The following TBC1D22A variants were observed in gnomAD, a reference collection of about 807,000 sequenced individuals.
TBC1D22A encodes TBC1 domain family member 22A.
In TBC1D22A, 38 loss-of-function variants were observed where a neutral mutation model predicts 60.2. That is an observed-to-expected ratio of 0.63 (90% CI 0.49 to 0.83). The LOEUF is 0.83. Ranked by LOEUF, TBC1D22A falls within the 40% of genes least tolerant of loss-of-function variation. The pLI is 0.00. For missense variants in TBC1D22A, 628 were observed against 701.0 expected (o/e 0.90, Z 1.18); for synonymous variants, 302 against 281.7 (o/e 1.07, Z -0.72).
chr22:46,973,901 A>T (rs2074180620), intron 8 of TBC1D22A, among the ~76,000 whole-genome samples: 1 of 152,234 alleles, frequency 6.6e-6, no homozygotes, highest in Non-Finnish European at 1.5e-5. Context: ...TAGAGGAATT[A>T]TTGCCAAATG....
At chr22:47,061,938 G>A (rs979610053) in intron 11 of TBC1D22A, among the ~76,000 whole-genome samples, 14 of 151,952 alleles carry the variant, frequency 9.2e-5, no homozygotes, top group African/African-American at 2.9e-4. Context: ...AAATACAAAC[G>A]TTAGCCAGGC....
intron 10 of TBC1D22A, among the ~76,000 whole-genome samples, chr22:47,019,496 C>T (rs1422024596): frequency 1.3e-5 from 2 of 152,088 alleles, no homozygotes; most frequent in East Asian, 1.9e-4. Flanking sequence ...GAAAGCTGTG[C>T]AGAGGTTGGG....
chr22:47,112,060 C>T (rs904903680), intron 12 of TBC1D22A, among the ~76,000 whole-genome samples: 1 of 152,248 alleles, frequency 6.6e-6, no homozygotes, highest in East Asian at 1.9e-4. Flanking sequence ...TTCAGCCTCA[C>T]TAAGCTAGTC....
intron 12 of TBC1D22A, among the ~76,000 whole-genome samples, chr22:47,137,061 G>T (rs1431200480): frequency 3.9e-5 from 6 of 152,168 alleles, no homozygotes; most frequent in African/African-American, 1.4e-4. Flanking sequence ...AAGATAAAAA[G>T]AAGAAAGTGG....
At chr22:46,778,330 TA>T (rs1232541382) in intron 1 of TBC1D22A, among the ~76,000 whole-genome samples, 2 of 152,208 alleles carry the variant, frequency 1.3e-5, no homozygotes, top group East Asian at 3.8e-4. Context: ...TTTTGATTTT[TA>T]AAAAACTTTT....
At chr22:46,795,698 T>C (rs1424755848) in intron 3 of TBC1D22A, among the ~76,000 whole-genome samples, 2 of 152,182 alleles carry the variant, frequency 1.3e-5, no homozygotes, top group African/African-American at 4.8e-5. Context: ...AGGTACAGTA[T>C]CAAGTCCCTG....
At chr22:47,001,644 C>T (rs2061415337) in intron 10 of TBC1D22A, among the ~76,000 whole-genome samples, 1 of 152,112 alleles carries the variant, frequency 6.6e-6, no homozygotes, top group Admixed American at 6.5e-5. Flanking sequence ...CCGAGCTCCA[C>T]AGGCACCAGC....
chr22:47,077,392 C>A (rs1195544448), intron 11 of TBC1D22A, among the ~76,000 whole-genome samples: 3 of 152,128 alleles, frequency 2.0e-5, no homozygotes, highest in Non-Finnish European at 4.4e-5. Context: ...GCAGTTTGTC[C>A]CTTTAACCTG....
intron 11 of TBC1D22A, among the ~76,000 whole-genome samples, chr22:47,043,425 G>A (rs1005581492): frequency 1.3e-5 from 2 of 152,196 alleles, no homozygotes; most frequent in African/African-American, 2.4e-5. Flanking sequence ...AGTGCTCCAG[G>A]TGAGAGACAT....
chr22:47,167,442 A>G (rs987695621), intron 12 of TBC1D22A, among the ~76,000 whole-genome samples: 4 of 152,196 alleles, frequency 2.6e-5, no homozygotes, highest in Non-Finnish European at 5.9e-5. Flanking sequence ...CTTTGCTCCC[A>G]TAACTCGGCA....
At chr22:47,156,084 G>T (rs1056848694) in intron 12 of TBC1D22A, among the ~76,000 whole-genome samples, 1 of 152,090 alleles carries the variant, frequency 6.6e-6, no homozygotes, top group African/African-American at 2.4e-5. Flanking sequence ...GGAGTTTCCT[G>T]TCCTCCCAGA....
intron 7 of TBC1D22A, among the ~76,000 whole-genome samples, chr22:46,898,612 C>G (rs956608177): frequency 6.6e-6 from 1 of 152,044 alleles, no homozygotes; most frequent in Non-Finnish European, 1.5e-5. Flanking sequence ...CATAAGATAA[C>G]CTAGACACAA....
At chr22:46,963,297 T>C (rs1037668701) in intron 8 of TBC1D22A, among the ~76,000 whole-genome samples, 30 of 151,646 alleles carry the variant, frequency 2.0e-4, no homozygotes, top group Admixed American at 5.9e-4. Context: ...AGACCCTGCC[T>C]GGGCCACGCA....
intron 1 of TBC1D22A, among the ~76,000 whole-genome samples, chr22:46,786,584 T>C (rs1422823205): frequency 6.6e-6 from 1 of 152,262 alleles, no homozygotes; most frequent in African/African-American, 2.4e-5. Flanking sequence ...GAAGAATTGG[T>C]ATTAATTCTT....
intron 2 of TBC1D22A, chr22:46,792,807 G>A: frequency 6.9e-7 from 1 of 1,451,618 alleles, no homozygotes; most frequent in Non-Finnish European, 9.0e-7. Context: ...GTGGGGAGGT[G>A]GGGGAGCCCT....
chr22:47,121,894 G>A (rs1249046853), intron 12 of TBC1D22A, among the ~76,000 whole-genome samples: 1 of 152,114 alleles, frequency 6.6e-6, no homozygotes, highest in South Asian at 2.1e-4. Flanking sequence ...CTAGGATGTC[G>A]CACTGCGCCC....
intron 9 of TBC1D22A, among the ~76,000 whole-genome samples, chr22:46,980,398 G>A (rs988136830): frequency 6.6e-6 from 1 of 152,210 alleles, no homozygotes; most frequent in African/African-American, 2.4e-5. Flanking sequence ...GGCCAGGATG[G>A]TCTCGATCTC....
At chr22:46,894,125 G>A (rs1005936492) in intron 6 of TBC1D22A, among the ~76,000 whole-genome samples, 9 of 152,208 alleles carry the variant, frequency 5.9e-5, no homozygotes, top group African/African-American at 2.2e-4. Context: ...AAACGGGAGC[G>A]TGGGCTAGTG....
chr22:46,934,157 A>T (rs906087756), intron 8 of TBC1D22A, among the ~76,000 whole-genome samples: 2 of 152,168 alleles, frequency 1.3e-5, no homozygotes, highest in Non-Finnish European at 2.9e-5. Context: ...CCAAGTAAGG[A>T]TTTGTAGTTT....
Sources: gnomAD v4.1 joint callset for allele counts (sites outside exome capture counted in the v4.1 genomes callset) on GRCh38, gnomAD v4.1.1 for gene constraint, MANE v1.5 for transcripts, NCBI Gene and HGNC (gene_info 2026-07-23, HGNC 2026-07-21) for gene names.